Variants in C1orf21 observed in about 807,000 individuals in gnomAD.
The protein encoded by C1orf21 is chromosome 1 open reading frame 21, also known as uncharacterized protein C1orf21.
Under a neutral mutation model 18.7 loss-of-function variants are expected in C1orf21, and 3 were observed. The ratio of observed to expected loss-of-function variants is 0.16; its 90% confidence interval spans 0.07 to 0.42. C1orf21 has a LOEUF of 0.42. Among genes scored for constraint, C1orf21 ranks in the 10% least tolerant of loss-of-function variants. C1orf21 has a pLI of 0.99. For synonymous variants in C1orf21, 41 were observed against 46.4 expected, an observed-to-expected ratio of 0.88 and a Z score of 0.47; for missense variants, 104 against 143.6, an observed-to-expected ratio of 0.72 and a Z score of 1.41.
intron 1 of C1orf21, among the ~76,000 whole-genome samples, chr1:184,390,782 T>C (rs190755202): frequency 6.6e-6 from 1 of 152,334 alleles, no homozygotes; most frequent in Non-Finnish European, 1.5e-5. Flanking sequence ...TTGGCCACTT[T>C]ATGGTCCTTC....
intron 1 of C1orf21, among the ~76,000 whole-genome samples, chr1:184,469,945 C>G (rs1483098352): frequency 6.6e-6 from 1 of 152,344 alleles, no homozygotes; most frequent in South Asian, 2.1e-4. Context: ...GTTTCTTACA[C>G]TATGTTTCAA....
chr1:184,442,129 G>T (rs1011171620), intron 1 of C1orf21, among the ~76,000 whole-genome samples: 1 of 152,146 alleles, frequency 6.6e-6, no homozygotes, highest in African/African-American at 2.4e-5. Flanking sequence ...TCTGTAAAAT[G>T]GAAATAATAA....
intron 3 of C1orf21, among the ~76,000 whole-genome samples, chr1:184,554,428 C>G (rs1317681855): frequency 1.3e-5 from 2 of 152,084 alleles, no homozygotes; most frequent in African/African-American, 4.8e-5. Flanking sequence ...GGTAAAGAAA[C>G]TATTGGGTGG....
intron 5 of C1orf21, among the ~76,000 whole-genome samples, chr1:184,598,913 A>G (rs2102002706): frequency 6.6e-6 from 1 of 152,206 alleles, no homozygotes; most frequent in East Asian, 1.9e-4. Context: ...ATTGAGACAG[A>G]TATTATCTAC....
intron 3 of C1orf21, among the ~76,000 whole-genome samples, chr1:184,578,260 G>A (rs1162288006): frequency 2.6e-5 from 4 of 152,128 alleles, no homozygotes; most frequent in Non-Finnish European, 5.9e-5. Flanking sequence ...CTGGCCAGTA[G>A]TCAGGTCTTA....
intron 1 of C1orf21, among the ~76,000 whole-genome samples, chr1:184,435,165 G>A (rs1656839095): frequency 1.3e-5 from 2 of 152,168 alleles, no homozygotes; most frequent in Admixed American, 1.3e-4. Flanking sequence ...TCTGTCATTG[G>A]ATGCCTTGAC....
chr1:184,398,448 C>T (rs1203081876), intron 1 of C1orf21, among the ~76,000 whole-genome samples: 1 of 152,144 alleles, frequency 6.6e-6, no homozygotes, highest in Non-Finnish European at 1.5e-5. Context: ...GTTTTCTCTG[C>T]CCCCTTCCTC....
In C1orf21 at chr1:184,443,538, T is replaced by G. The variant is rs561444673; in HGVS notation, c.-124-33848T>G. 1.4e-4 allele frequency among the ~76,000 whole-genome samples: 22 copies of G among 152,336 alleles called. No individual in the cohort carries two copies. In the East Asian group the frequency reaches 4.2e-3, roughly 29 times the overall value. On this transcript the variant is annotated intron_variant, in intron 1 of 5. Transcript: ENST00000235307. ...CTCCTGAAACCCTGAAAAGAAAATT[T>G]CCTTTTAAACATAGTACCTGTAAAA...
chr1:184,405,122 G>A (rs915290249), intron 1 of C1orf21, among the ~76,000 whole-genome samples: 1 of 152,092 alleles, frequency 6.6e-6, no homozygotes, highest in Non-Finnish European at 1.5e-5. Context: ...TGTGATATCA[G>A]CAAATGAAAC....
intron 3 of C1orf21, among the ~76,000 whole-genome samples, chr1:184,509,634 C>T (rs1434735313): frequency 6.6e-6 from 1 of 151,976 alleles, no homozygotes; most frequent in African/African-American, 2.4e-5. Context: ...GAAAAAATAC[C>T]AATAGCCTCC....
At chr1:184,592,650 A>G (rs1317460692) in intron 4 of C1orf21, among the ~76,000 whole-genome samples, 7 of 152,172 alleles carry the variant, frequency 4.6e-5, no homozygotes, top group Admixed American at 3.3e-4. Flanking sequence ...AAATTTGACT[A>G]TTACATATGT....
Position 184,626,311 on chromosome 1 carries a change from G to A in C1orf21, c.*6755G>A, listed in dbSNP as rs968470291. 6.6e-6 allele frequency: 1 copy of A among 152,284 alleles called. No individual in the cohort carries two copies. Among genetic ancestry groups the A allele is most frequent in the Non-Finnish European group, 1.5e-5 (1 of 68,142 alleles). The allele number at this position is 152,284 out of a possible 1,614,324, so 9.4% of individuals were successfully genotyped here. A position where few individuals can be genotyped will look rare whatever the true frequency, so the allele number is the denominator to read the frequency against. ...TGGCAATCAGGGGCTTCCTGAAAGA[G>A]GTGACATCAAAGCCCGGATGTGTCA... is the stretch of plus-strand genomic sequence containing the variant. On this transcript the variant is annotated 3_prime_UTR_variant, in exon 6 of 6. Coordinates refer to ENST00000235307, the MANE Select transcript of C1orf21 (RefSeq NM_030806.4).
chr1:184,483,170 C>G (rs527855537), intron 2 of C1orf21, among the ~76,000 whole-genome samples: 44 of 152,298 alleles, frequency 2.9e-4, no homozygotes, highest in Admixed American at 2.3e-3. Context: ...TTCCTTCTCT[C>G]AGTTGTCAGG....
rs899548223 is a variant in C1orf21 at position 184,621,284 on chromosome 1, C to G, written c.*1728C>G. Reference sequence around the variant, plus strand: ...GATTCACATATTAGCAACAAAATCCCGTAATTCTTTTGGCCAACAGCAGCT... The same window carrying G: ...GATTCACATATTAGCAACAAAATCCGGTAATTCTTTTGGCCAACAGCAGCT... On this transcript the variant is annotated 3_prime_UTR_variant, in exon 6 of 6. Coordinates refer to ENST00000235307, the MANE Select transcript of C1orf21 (RefSeq NM_030806.4). 1 of 152,690 alleles carries G rather than the reference C, an allele frequency of 6.5e-6. No individual in the cohort carries two copies. Among genetic ancestry groups the G allele is most frequent in the African/African-American group, 2.4e-5 (1 of 41,534 alleles). The allele number at this position is 152,690 out of a possible 1,614,324, so 9.5% of individuals were successfully genotyped here. A position where few individuals can be genotyped will look rare whatever the true frequency, so the allele number is the denominator to read the frequency against.
chr1:184,527,531 C>A (rs774884921), intron 3 of C1orf21, among the ~76,000 whole-genome samples: 1 of 152,104 alleles, frequency 6.6e-6, no homozygotes, highest in Non-Finnish European at 1.5e-5. Flanking sequence ...ACAGCGGGAG[C>A]AGAGGCCAGG....
intron 1 of C1orf21, among the ~76,000 whole-genome samples, chr1:184,434,049 G>C (rs916712275): frequency 2.8e-4 from 43 of 152,086 alleles, no homozygotes; most frequent in African/African-American, 9.9e-4. Context: ...TCTCCAGCAG[G>C]CTTCCTCCCT....
intron 2 of C1orf21, among the ~76,000 whole-genome samples, chr1:184,500,467 C>T (rs1400502105): frequency 1.3e-5 from 2 of 152,092 alleles, no homozygotes; most frequent in Admixed American, 6.6e-5. Context: ...CTAAGGTCAC[C>T]CTTTCCTCCT....
At chr1:184,615,793 CTTAT>C (rs1045262814) in intron 5 of C1orf21, among the ~76,000 whole-genome samples, 3 of 152,234 alleles carry the variant, frequency 2.0e-5, no homozygotes, top group African/African-American at 4.8e-5. Context: ...TTTTTATTTA[CTTAT>C]TTATTTTTAA....
intron 4 of C1orf21, among the ~76,000 whole-genome samples, chr1:184,591,842 T>A (rs575949701): frequency 1.3e-5 from 2 of 151,696 alleles, no homozygotes; most frequent in African/African-American, 2.4e-5. Context: ...AATGGGTAAC[T>A]AAACTGTGGC....
Sources: allele counts gnomAD v4.1 joint callset (sites outside exome capture counted in the v4.1 genomes callset), GRCh38; gene constraint gnomAD v4.1.1; transcripts MANE v1.5; gene names NCBI Gene and HGNC (gene_info 2026-07-23, HGNC 2026-07-21).